The following OXCT1 variants were observed in gnomAD, a reference collection of about 807,000 sequenced individuals.
The protein encoded by OXCT1 is 3-oxoacid CoA-transferase 1, also known as succinyl-CoA:3-ketoacid coenzyme A transferase 1, mitochondrial.
In OXCT1, 27 loss-of-function variants were observed where a neutral mutation model predicts 69.6. That is an observed-to-expected ratio of 0.39 (90% CI 0.29 to 0.54). The LOEUF (loss-of-function observed/expected upper bound fraction) is 0.54. Among genes scored for constraint, OXCT1 ranks in the 20% least tolerant of loss-of-function variants. The pLI is 0.72. For missense variants in OXCT1, 437 were observed against 650.2 expected (o/e 0.67, Z 3.57); for synonymous variants, 202 against 217.8 (o/e 0.93, Z 0.64).
intron 7 of OXCT1, among the ~76,000 whole-genome samples, chr5:41,827,217 C>A (rs1747850698): frequency 6.6e-6 from 1 of 152,166 alleles, no homozygotes; most frequent in East Asian, 1.9e-4. Context: ...TGCCTATATA[C>A]CTACCTACAT....
chr5:41,859,306 G>A lies in OXCT1; in HGVS notation c.278+2008C>T, dbSNP rs527492521. Among the ~76,000 whole-genome samples the A allele has an allele frequency of 2.6e-5, 4 of 152,298 alleles. No homozygotes were observed. In the East Asian group the frequency reaches 7.7e-4, roughly 29 times the overall value. ...CATAAAGTGCTTCCTTTAAGTGAAA[G>A]ATCTAAGTAAGAATGAATCTTTTAT... On this transcript the variant is annotated intron_variant, in intron 3 of 16. Coordinates refer to ENST00000196371, the MANE Select transcript of OXCT1 (RefSeq NM_000436.4).
At chr5:41,823,135 A>G (rs762197613) in intron 7 of OXCT1, among the ~76,000 whole-genome samples, 7 of 152,204 alleles carry the variant, frequency 4.6e-5, no homozygotes, top group African/African-American at 7.2e-5. Flanking sequence ...AAATAACACT[A>G]TATCACTTCA....
chr5:41,738,665 T>G (rs1311373587), intron 16 of OXCT1, among the ~76,000 whole-genome samples: 2 of 152,242 alleles, frequency 1.3e-5, no homozygotes, highest in Admixed American at 6.5e-5. Context: ...ATTTTAGTTT[T>G]ACTTTTGGTT....
chr5:41,785,610 C>T (rs190745972), intron 13 of OXCT1, among the ~76,000 whole-genome samples: 36 of 152,066 alleles, frequency 2.4e-4, no homozygotes, highest in East Asian at 2.1e-3. Flanking sequence ...TGGTTGGTAA[C>T]CAGATGTTAG....
At chr5:41,800,820 A>G (rs1746386295) in intron 11 of OXCT1, among the ~76,000 whole-genome samples, 1 of 152,096 alleles carries the variant, frequency 6.6e-6, no homozygotes, top group Admixed American at 6.5e-5. Context: ...AAGCTCTTCC[A>G]TTAAATGTGC....
chr5:41,774,896 AAAAAT>A (rs1162416077), intron 13 of OXCT1, among the ~76,000 whole-genome samples: 4 of 152,160 alleles, frequency 2.6e-5, no homozygotes, highest in East Asian at 1.9e-4. Context: ...CTCTGTCTCA[AAAAAT>A]AAAATAAATA....
At chr5:41,751,819 A>G (rs530099831) in intron 14 of OXCT1, among the ~76,000 whole-genome samples, 1 of 152,154 alleles carries the variant, frequency 6.6e-6, no homozygotes, top group Non-Finnish European at 1.5e-5. Context: ...TGGCTCTCCT[A>G]AGAAACTGGC....
intron 13 of OXCT1, among the ~76,000 whole-genome samples, chr5:41,772,610 T>C (rs753714991): frequency 3.3e-5 from 5 of 152,262 alleles, no homozygotes; most frequent in Non-Finnish European, 7.3e-5. Flanking sequence ...ATTAAATTAA[T>C]AACTACTGTT....
At chr5:41,848,131 C>G (rs1749010082) in intron 5 of OXCT1, among the ~76,000 whole-genome samples, 1 of 148,540 alleles carries the variant, frequency 6.7e-6, no homozygotes, top group Non-Finnish European at 1.5e-5. Context: ...TCTTATACAC[C>G]AATAACAGAC....
chr5:41,819,385 G>A (rs557275290), intron 7 of OXCT1, among the ~76,000 whole-genome samples: 63 of 142,774 alleles, frequency 4.4e-4, no homozygotes, highest in African/African-American at 1.5e-3. Flanking sequence ...GATTGGGGGG[G>A]CAGGGGGATG....
Position 41,805,624 on chromosome 5 carries a change from C to T in OXCT1, c.898G>A (p.Asp300Asn). 3.1e-6 allele frequency: 5 copies of T among 1,613,090 alleles called. No homozygotes were observed. Among genetic ancestry groups the T allele is most frequent in the Non-Finnish European group, 4.2e-6 (5 of 1,179,338 alleles). Residue 300 changes from aspartate (D) to asparagine (N), a missense_variant, in exon 9 of 17, where the codon GAC becomes AAC. Physicochemically the swap from Asp to Asn is conservative, Grantham distance 23 (BLOSUM62 1). Transcript: ENST00000196371. Reference sequence around the variant, plus strand: ...CTCTTGATGATTCGTTCCCTTACGTCATCTCCAGGTTTAGCAGATTTGGCT... The same window carrying T: ...CTCTTGATGATTCGTTCCCTTACGTTATCTCCAGGTTTAGCAGATTTGGCT... The part of the protein sequence containing the change: ...GEAKSAKPGD[D>N]VRERIIKRAA...
chr5:41,763,366 A>G lies in OXCT1; in HGVS notation c.1249-1166T>C, dbSNP rs114988475. 5.9e-3 allele frequency among the ~76,000 whole-genome samples: 904 copies of G among 152,182 alleles called. 10 individuals are homozygous for G. Among genetic ancestry groups the G allele is most frequent in the African/African-American group, 0.021 (860 of 41,526 alleles). On this transcript the variant is annotated intron_variant, in intron 13 of 16. Transcript: ENST00000196371. ...GGGAGAGAATGCAGAGTACAAAATGAGCCTGGTTTCAGACCGTTTGAAGCA... is the reference window on the plus strand; with the variant it reads ...GGGAGAGAATGCAGAGTACAAAATGGGCCTGGTTTCAGACCGTTTGAAGCA...
At chr5:41,801,324 T>C (rs1579765470) in intron 10 of OXCT1, among the ~76,000 whole-genome samples, 1 of 152,222 alleles carries the variant, frequency 6.6e-6, no homozygotes, top group South Asian at 2.1e-4. Context: ...TGCTATACTA[T>C]TAGAAATACA....
chr5:41,805,831 T>C (rs1467885167), intron 8 of OXCT1, 150 bp from the exon 9 acceptor site: 2 of 656,202 alleles, frequency 3.0e-6, no homozygotes, highest in East Asian at 2.7e-5. Context: ...AAAAATACTA[T>C]GGGTGATATT....
At chr5:41,794,886 G>C (rs1373761066) in intron 11 of OXCT1, 137 bp from the exon 12 acceptor site, 4 of 827,192 alleles carry the variant, frequency 4.8e-6, no homozygotes, top group Non-Finnish European at 7.8e-6. Context: ...ATAGCAGGTG[G>C]GGGGACACAG....
chr5:41,839,044 C>T (rs969643455), intron 7 of OXCT1, among the ~76,000 whole-genome samples: 9 of 152,248 alleles, frequency 5.9e-5, no homozygotes, highest in South Asian at 2.1e-4. Flanking sequence ...ATTCTGTGAT[C>T]CATCAGAGAT....
rs1464545113 is a variant in OXCT1 at position 41,762,051 on chromosome 5, T to C, written c.1338+60A>G. The C allele has an allele frequency of 1.5e-5, 16 of 1,101,854 alleles. No individual in the cohort carries two copies. In the South Asian group the frequency reaches 2.0e-4, roughly 14 times the overall value. The allele number at this position is 1,101,854 out of a possible 1,614,324, so 68.3% of individuals were successfully genotyped here. Reference sequence around the variant, plus strand: ...ACAGTTAGGTGACCTGGTGGTACACTGGGTTTTGATGTATTGCAAATTTCC... The same window carrying C: ...ACAGTTAGGTGACCTGGTGGTACACCGGGTTTTGATGTATTGCAAATTTCC... On this transcript the variant is annotated intron_variant, in intron 14 of 16. Coordinates refer to ENST00000196371, the MANE Select transcript of OXCT1 (RefSeq NM_000436.4). This position sits in a 1 kb window ranked among gnomAD's most constrained non-coding sequence, Gnocchi z 4.0.
At chr5:41,828,891 T>C (rs1393118965) in intron 7 of OXCT1, among the ~76,000 whole-genome samples, 1 of 152,232 alleles carries the variant, frequency 6.6e-6, no homozygotes, top group African/African-American at 2.4e-5. Context: ...CACTGTTACA[T>C]ACTTTTTTAA....
chr5:41,796,998 C>T (rs1746212883), intron 11 of OXCT1, among the ~76,000 whole-genome samples: 1 of 152,170 alleles, frequency 6.6e-6, no homozygotes, highest in Non-Finnish European at 1.5e-5. Context: ...GGTTTTAAGA[C>T]AGGCATAACA....
Sources: allele counts gnomAD v4.1 joint callset (sites outside exome capture counted in the v4.1 genomes callset), GRCh38; gene constraint gnomAD v4.1.1; non-coding constraint Gnocchi (gnomAD v3.1); transcripts MANE v1.5; gene names NCBI Gene and HGNC (gene_info 2026-07-23, HGNC 2026-07-21).